Variants in BCAP29 observed in about 807,000 individuals in gnomAD.
BCAP29 encodes B-cell receptor-associated protein 29.
A neutral mutation model predicts 31.8 loss-of-function variants in BCAP29; 34 were observed. The observed-to-expected ratio is 1.07, with a 90% CI of 0.81 to 1.42. The LOEUF (loss-of-function observed/expected upper bound fraction) is 1.42. BCAP29 is among the 40% of genes most tolerant of loss of function. BCAP29 has a pLI of 0.00. For missense variants in BCAP29, 314 were observed against 269.2 expected, an observed-to-expected ratio of 1.17 and a Z score of -1.16; for synonymous variants, 104 against 91.3, an observed-to-expected ratio of 1.14 and a Z score of -0.79.
chr7:107,621,574 A>G, downstream of BCAP29: 1 of 386,488 alleles, frequency 2.6e-6, no homozygotes, highest in Non-Finnish European at 5.3e-6. Flanking sequence ...AGATGGAGAG[A>G]TTATTCTGGG....
chr7:107,595,219 G>T (rs1250804915), intron 4 of BCAP29, among the ~76,000 whole-genome samples: 2 of 152,138 alleles, frequency 1.3e-5, no homozygotes, highest in African/African-American at 4.8e-5. Context: ...GGTGCTCAAA[G>T]AATGTATATA....
chr7:107,609,904 AC>A (rs1812822232), intron 6 of BCAP29, among the ~76,000 whole-genome samples: 1 of 152,250 alleles, frequency 6.6e-6, no homozygotes, highest in South Asian at 2.1e-4. Flanking sequence ...CTCAGTCCTT[AC>A]AGCTGTTGTA....
At chr7:107,587,732 T>C (rs1473965987) in intron 3 of BCAP29, 1 of 151,980 alleles carries the variant, frequency 6.6e-6, no homozygotes, top group Non-Finnish European at 1.5e-5. Context: ...AAAATATGAT[T>C]TACCAAATGA....
chr7:107,607,443 CTT>C (rs1468934104), intron 6 of BCAP29, among the ~76,000 whole-genome samples: 2 of 152,096 alleles, frequency 1.3e-5, no homozygotes, highest in East Asian at 1.9e-4. Flanking sequence ...ACTTAGACCT[CTT>C]TATCTCACCC....
At chr7:107,590,624 C>G (rs1808542826) in intron 3 of BCAP29, among the ~76,000 whole-genome samples, 1 of 151,960 alleles carries the variant, frequency 6.6e-6, no homozygotes, top group Admixed American at 6.6e-5. Context: ...TGCAGACCAT[C>G]CTGGGCAACA....
chr7:107,607,963 A>G (rs144675769), intron 6 of BCAP29, among the ~76,000 whole-genome samples: 265 of 152,218 alleles, frequency 1.7e-3, no homozygotes, highest in African/African-American at 6.0e-3. Flanking sequence ...CTACTTTTGT[A>G]TAGGTTTTGA....
rs1457350755 is a variant in BCAP29, at chr7:107,619,523, T to C, written c.*1160T>C. Reference sequence around the variant, plus strand: ...TTTTAGCACCAACTTCACACCTAGCTAATTTTTTTCATCATAAAGTGGATG... The same window carrying C: ...TTTTAGCACCAACTTCACACCTAGCCAATTTTTTTCATCATAAAGTGGATG... On this transcript the variant is annotated 3_prime_UTR_variant, in exon 8 of 8. Coordinates refer to ENST00000005259, the MANE Select transcript of BCAP29 (RefSeq NM_018844.4). 1.3e-5 allele frequency: 2 copies of C among 152,168 alleles called. No individual in the cohort carries two copies. The highest frequency in any genetic ancestry group is 4.8e-5 in the African/African-American group (2 of 41,450). The allele number at this position is 152,168 out of a possible 1,614,324, so 9.4% of individuals were successfully genotyped here.
chr7:107,599,219 A>G (rs1563133897), intron 5 of BCAP29, among the ~76,000 whole-genome samples: 1 of 15,962 alleles, frequency 6.3e-5, no homozygotes, highest in Non-Finnish European at 1.2e-4. Context: ...AAATATATAT[A>G]TACATAATTA....
At chr7:107,592,647 G>A (rs114985745) in intron 3 of BCAP29, among the ~76,000 whole-genome samples, 3,845 of 152,260 alleles carry the variant, frequency 0.025, 171 homozygotes, top group African/African-American at 0.087. Flanking sequence ...TCGTAGCAGC[G>A]TTATTCATAA....
chr7:107,595,799 C>A (rs920023299), intron 4 of BCAP29, 68 bp from the exon 5 acceptor site: 7 of 1,515,024 alleles, frequency 4.6e-6, no homozygotes, highest in Non-Finnish European at 6.3e-6. Flanking sequence ...AGTAATTTGG[C>A]AATGACTGTT....
At chr7:107,611,293 G>A (rs904207990) in intron 6 of BCAP29, among the ~76,000 whole-genome samples, 3 of 152,120 alleles carry the variant, frequency 2.0e-5, no homozygotes, top group Non-Finnish European at 4.4e-5. Flanking sequence ...TAGGCCAGGG[G>A]CAGTGGCTCA....
chr7:107,595,958 A>G lies in BCAP29; in HGVS notation c.436A>G (p.Lys146Glu). The G allele has an allele frequency of 6.3e-7, 1 of 1,583,584 alleles. No homozygotes were observed. Among genetic ancestry groups the G allele is most frequent in the Non-Finnish European group, 8.5e-7 (1 of 1,171,384 alleles). The change falls in exon 5 of 8, where the codon AAG (lysine) becomes GAG (glutamate). Residue 146 changes from lysine (K) to glutamate (E), a missense_variant. Physicochemically the swap from Lys to Glu is moderately conservative, Grantham distance 56. Coordinates refer to ENST00000005259, the MANE Select transcript of BCAP29 (RefSeq NM_018844.4). ...TAAAACTCAAGCAGAAAATACTAAC[A>G]AGGCTGCCAAAAAATTTATGGAAGA... ...VLKTQAENTN[K>E]AAKKFMEENE...
intron 3 of BCAP29, 56 bp downstream of exon 3, chr7:107,584,038 TTTAA>T (rs1457671419): frequency 3.0e-6 from 3 of 1,015,196 alleles, no homozygotes; most frequent in South Asian, 3.8e-5. Context: ...TGAATTTCTT[TTTAA>T]TTAATAGAGT....
intron 6 of BCAP29, among the ~76,000 whole-genome samples, chr7:107,612,437 A>ACTTATT (rs1813385039): frequency 8.8e-6 from 1 of 113,256 alleles, no homozygotes; most frequent in African/African-American, 3.7e-5. Context: ...ATATATATAT[A>ACTTATT]TATTTATTTT....
chr7:107,600,574 TTTCC>T, intron 6 of BCAP29, 69 bp downstream of exon 6: 1 of 895,198 alleles, frequency 1.1e-6, no homozygotes, highest in Non-Finnish European at 1.7e-6. Context: ...CTTCACTGTT[TTTCC>T]TAAAACAAAA....
chr7:107,599,040 GTA>G (rs1169758861), intron 5 of BCAP29, among the ~76,000 whole-genome samples: 16 of 121,432 alleles, frequency 1.3e-4, no homozygotes, highest in East Asian at 6.6e-4. Flanking sequence ...TTAAAAATTT[GTA>G]TATATATAAA....
chr7:107,583,875 T>G lies in BCAP29; in HGVS notation c.93-7T>G, dbSNP rs1374875051. ...TTTATACCTAATATAATTGTATTGC[T>G]TTACAGATGGCAGAAGATTTTTTCA... is the stretch of plus-strand genomic sequence containing the variant. On this transcript the variant is annotated splice_polypyrimidine_tract_variant and splice_region_variant and intron_variant, in intron 2 of 7. Coordinates refer to ENST00000005259, the MANE Select transcript of BCAP29 (RefSeq NM_018844.4). 2.0e-6 allele frequency: 3 copies of G among 1,504,634 alleles called. No individual in the cohort carries two copies. In the African/African-American group the frequency reaches 4.2e-5, roughly 21 times the overall value. The allele number at this position is 1,504,634 out of a possible 1,614,324, so 93.2% of individuals were successfully genotyped here. A position where few individuals can be genotyped will look rare whatever the true frequency, so the allele number is the denominator to read the frequency against.
At chr7:107,596,102 C>T in intron 5 of BCAP29, 100 bp downstream of exon 5, 4 of 1,001,106 alleles carry the variant, frequency 4.0e-6, no homozygotes, top group South Asian at 2.1e-5. Flanking sequence ...ATTTTATAAG[C>T]AGAAAATGAC....
intron 6 of BCAP29, among the ~76,000 whole-genome samples, chr7:107,606,481 C>T (rs992007103): frequency 1.3e-5 from 2 of 152,160 alleles, no homozygotes; most frequent in African/African-American, 4.8e-5. Flanking sequence ...ACATTCTTCA[C>T]TTTTGAAGAA....
Sources: gnomAD v4.1 joint callset for allele counts (sites outside exome capture counted in the v4.1 genomes callset) on GRCh38, gnomAD v4.1.1 for gene constraint, MANE v1.5 for transcripts, NCBI Gene and HGNC (gene_info 2026-07-23, HGNC 2026-07-21) for gene names.